NKD1: variants seen among roughly 807,000 people sequenced by gnomAD.
The protein encoded by NKD1 is protein naked cuticle homolog 1.
NKD1 carries 21 observed loss-of-function variants against 56.0 expected under a neutral mutation model. The ratio of observed to expected loss-of-function variants is 0.38; its 90% CI spans 0.27 to 0.54. NKD1 has a LOEUF of 0.54. NKD1 is among the 20% of genes least tolerant of loss of function. The probability of loss-of-function intolerance (pLI) is 0.82; values close to 1 mark genes in which losing one functional copy is unlikely to be tolerated. For missense variants in NKD1, 578 were observed against 642.7 expected, an observed-to-expected ratio of 0.90 and a Z score of 1.09; for synonymous variants, 263 against 265.7, an observed-to-expected ratio of 0.99 and a Z score of 0.10.
intron 4 of NKD1, among the ~76,000 whole-genome samples, chr16:50,611,864 G>A (rs146995960): frequency 1.3e-5 from 2 of 152,302 alleles, no homozygotes; most frequent in African/African-American, 4.8e-5. Context: ...GGTGATGGAT[G>A]TAGGTCGCAA....
intron 5 of NKD1, among the ~76,000 whole-genome samples, chr16:50,624,058 G>A (rs1340571266): frequency 6.6e-6 from 1 of 152,082 alleles, no homozygotes; most frequent in African/African-American, 2.4e-5. Flanking sequence ...CCGTGCTGGG[G>A]CTCACTCCAC....
At position 50,633,085 on chromosome 16, in the gene NKD1, G is replaced by T; in HGVS notation, c.824-107G>T. 6 of 1,015,438 alleles carry T rather than the reference G, an allele frequency of 5.9e-6. No individual in the cohort carries two copies. Among genetic ancestry groups the T allele is most frequent in the Non-Finnish European group, 8.4e-6 (6 of 715,338 alleles). The allele number at this position is 1,015,438 out of a possible 1,614,324, so 62.9% of individuals were successfully genotyped here. On this transcript the variant is annotated intron_variant, in intron 9 of 9. Coordinates refer to ENST00000268459, the MANE Select transcript of NKD1 (RefSeq NM_033119.5). The surrounding 1 kb of genome is among the most constrained non-coding windows in gnomAD (Gnocchi z 4.9). ...GTGAGGGGCAGTCAGGGCATTGGGGGGTAGCTCTGGTTTTGGAGAACTGGG... is the reference window on the plus strand; with the variant it reads ...GTGAGGGGCAGTCAGGGCATTGGGGTGTAGCTCTGGTTTTGGAGAACTGGG...
chr16:50,606,047 G>C (rs1269567058), intron 3 of NKD1: 3 of 151,966 alleles, frequency 2.0e-5, no homozygotes, highest in Admixed American at 6.6e-5. Context: ...GTGGCTCAGT[G>C]GGGGAGATGA....
At chr16:50,563,195 T>C (rs900661250) in intron 3 of NKD1, among the ~76,000 whole-genome samples, 5 of 152,250 alleles carry the variant, frequency 3.3e-5, no homozygotes, top group African/African-American at 1.2e-4. Context: ...AAATGTGAAC[T>C]TAAATAGCCC....
At position 50,644,083 on chromosome 16, in the gene NKD1, G is replaced by GT. The variant is rs1962631907; in HGVS notation, c.*10304dup. The GT allele has an allele frequency of 6.6e-6, 1 of 152,284 alleles. No homozygotes were observed. The allele number at this position is 152,284 out of a possible 1,614,324, so 9.4% of individuals were successfully genotyped here. On this transcript the variant is annotated 3_prime_UTR_variant, in exon 10 of 10. Coordinates refer to ENST00000268459, the MANE Select transcript of NKD1 (RefSeq NM_033119.5). Reference sequence around the variant, plus strand: ...CTTGTTCGACCTCAGTTGAGAACATGTTGTCGGGCCACTCAGACTTTTCAC... The same window carrying GT: ...CTTGTTCGACCTCAGTTGAGAACATGTTTGTCGGGCCACTCAGACTTTTCAC...
intron 3 of NKD1, among the ~76,000 whole-genome samples, chr16:50,594,547 A>G (rs113558889): frequency 6.6e-6 from 1 of 152,254 alleles, no homozygotes; most frequent in Admixed American, 6.5e-5. Flanking sequence ...GACAAGAGGA[A>G]GAAGCCAAGC....
intron 4 of NKD1, among the ~76,000 whole-genome samples, chr16:50,617,466 T>C (rs536347656): frequency 7.4e-4 from 113 of 152,340 alleles, no homozygotes; most frequent in African/African-American, 2.6e-3. Context: ...AAAGGTATTT[T>C]GAAGCTTGAG....
intron 4 of NKD1, 160 bp downstream of exon 4, chr16:50,608,520 A>G: frequency 1.5e-6 from 1 of 661,770 alleles, no homozygotes; most frequent in Non-Finnish European, 2.8e-6. Flanking sequence ...GGGATGGAGG[A>G]GAGGAGTAAG....
rs542145983 is a variant in NKD1, at chr16:50,570,848, T to C, written c.192+21293T>C. On this transcript the variant is annotated intron_variant, in intron 3 of 9. Transcript: ENST00000268459. ...GTGTTGCCAGGAGTGCGGTAACATC[T>C]GTACAGCACCTTGTGCTGAGGGTGG... 2.9e-5 allele frequency: 29 copies of C among 985,430 alleles called. No individual in the cohort carries two copies. In the East Asian group the frequency reaches 2.0e-3, roughly 69 times the overall value. 61.0% of individuals were successfully genotyped at this position (985,430 alleles called of 1,614,324 possible).
At position 50,634,096 on chromosome 16, in the gene NKD1, G is replaced by A. The variant is rs569032346; in HGVS notation, c.*315G>A. On this transcript the variant is annotated 3_prime_UTR_variant, in exon 10 of 10. Coordinates refer to ENST00000268459, the MANE Select transcript of NKD1 (RefSeq NM_033119.5). The stretch of plus-strand genomic sequence containing the variant: ...TGGATCAGCCCACACCCTTCCCAGA[G>A]CCAGGGAGCCCTTAGCCTCAACTCT... The A allele has an allele frequency of 3.1e-4, 73 of 235,924 alleles. No homozygotes were observed. Among genetic ancestry groups the A allele is most frequent in the Non-Finnish European group, 4.9e-4 (61 of 123,828 alleles). The allele number at this position is 235,924 out of a possible 1,614,324, so 14.6% of individuals were successfully genotyped here.
chr16:50,562,996 C>CCCCG (rs1960674946), intron 3 of NKD1, among the ~76,000 whole-genome samples: 1 of 133,580 alleles, frequency 7.5e-6, no homozygotes, highest in African/African-American at 3.1e-5. Flanking sequence ...ACCCCCCCCC[C>CCCCG]CCGCCGTAGA....
At position 50,633,086 on chromosome 16, in the gene NKD1, G is replaced by A; in HGVS notation, c.824-106G>A. ...TGAGGGGCAGTCAGGGCATTGGGGG[G>A]TAGCTCTGGTTTTGGAGAACTGGGG... On this transcript the variant is annotated intron_variant, in intron 9 of 9. Transcript: ENST00000268459. The surrounding 1 kb of genome is among the most constrained non-coding windows in gnomAD (Gnocchi z 4.9). The A allele has an allele frequency of 9.7e-7, 1 of 1,029,830 alleles. No homozygotes were observed. The highest frequency in any genetic ancestry group is 3.2e-5 in the Admixed American group (1 of 30,988). 63.8% of individuals were successfully genotyped at this position (1,029,830 alleles called of 1,614,324 possible).
intron 3 of NKD1, among the ~76,000 whole-genome samples, chr16:50,562,508 T>C (rs1960656555): frequency 1.3e-5 from 2 of 152,224 alleles, no homozygotes; most frequent in Admixed American, 6.5e-5. Flanking sequence ...AAACAGCATG[T>C]GTAGGCAACT....
At chr16:50,587,554 G>A (rs1399314843) in intron 3 of NKD1, among the ~76,000 whole-genome samples, 1 of 152,336 alleles carries the variant, frequency 6.6e-6, no homozygotes. Flanking sequence ...TCTGCAGTTT[G>A]CATATATCTT....
chr16:50,566,152 T>A (rs952782892), intron 3 of NKD1: 1 of 985,378 alleles, frequency 1.0e-6, no homozygotes. Flanking sequence ...GTGAACTTTC[T>A]CTGTGGATCC....
At chr16:50,581,680 G>A (rs1289798911) in intron 3 of NKD1, among the ~76,000 whole-genome samples, 1 of 152,196 alleles carries the variant, frequency 6.6e-6, no homozygotes, top group African/African-American at 2.4e-5. Context: ...TATCTGTGGT[G>A]GATTTGAGGC....
chr16:50,619,875 G>C (rs1015846662), intron 4 of NKD1, among the ~76,000 whole-genome samples: 4 of 152,238 alleles, frequency 2.6e-5, no homozygotes, highest in South Asian at 2.1e-4. Flanking sequence ...ATGAGAGAGA[G>C]AGAGGCAGGC....
chr16:50,560,823 C>CATCTATCT (rs150440223), intron 3 of NKD1, among the ~76,000 whole-genome samples: 37,883 of 148,386 alleles, frequency 0.26, 4,934 homozygotes, highest in African/African-American at 0.29. Context: ...TACCCAAACC[C>CATCTATCT]ATCTATCTAT....
intron 3 of NKD1, among the ~76,000 whole-genome samples, chr16:50,559,178 G>A (rs1960569379): frequency 6.6e-6 from 1 of 152,146 alleles, no homozygotes; most frequent in Non-Finnish European, 1.5e-5. Context: ...GGGTAGAAAT[G>A]GGTTCATTTC....
Sources: allele counts gnomAD v4.1 joint callset (sites outside exome capture counted in the v4.1 genomes callset), GRCh38; gene constraint gnomAD v4.1.1; non-coding constraint Gnocchi (gnomAD v3.1); transcripts MANE v1.5; gene names NCBI Gene and HGNC (gene_info 2026-07-23, HGNC 2026-07-21).